Variants in BAZ1B observed in about 807,000 individuals in gnomAD.
The protein encoded by BAZ1B is bromodomain adjacent to zinc finger domain 1B.
In BAZ1B, 22 loss-of-function variants were observed where a neutral mutation model predicts 153.8. The observed-to-expected ratio is 0.14, with a 90% CI of 0.10 to 0.20. BAZ1B has a LOEUF of 0.20. BAZ1B is among the 10% of genes least tolerant of loss of function. The pLI, the probability that BAZ1B is intolerant of heterozygous loss-of-function variation, is 1.00. For missense variants in BAZ1B, 1,325 were observed against 1,799.3 expected, an observed-to-expected ratio of 0.74 and a Z score of 4.77; for synonymous variants, 676 against 633.4, an observed-to-expected ratio of 1.07 and a Z score of -1.01.
chr7:73,480,034 T>G (rs1016002574), intron 6 of BAZ1B, among the ~76,000 whole-genome samples: 5 of 151,694 alleles, frequency 3.3e-5, no homozygotes, highest in Non-Finnish European at 7.4e-5. Flanking sequence ...CCAGGCATGG[T>G]GGCGGGTGCC....
chr7:73,449,558 G>A lies in BAZ1B; in HGVS notation c.3712C>T (p.Arg1238Cys), dbSNP rs375694776. 16 of 1,612,012 alleles carry A rather than the reference G, an allele frequency of 9.9e-6. No homozygotes were observed. Among genetic ancestry groups the A allele is most frequent in the Admixed American group, 1.7e-5 (1 of 59,426 alleles). The change falls in exon 15 of 20, where the codon CGC (arginine) becomes TGC (cysteine). Residue 1238 changes from arginine (R) to cysteine (C), a missense_variant. By Grantham distance (180) the Arg-to-Cys change is radical. Coordinates refer to ENST00000339594, the MANE Select transcript of BAZ1B (RefSeq NM_032408.4). ...GATTCTCACCTGCCACGGGAGTTGCGCCTGGCAGTAGCGGGCTGGCAAGCT... is the reference window on the plus strand; with the variant it reads ...GATTCTCACCTGCCACGGGAGTTGCACCTGGCAGTAGCGGGCTGGCAAGCT... ...CPACQPATARRNSRGRNYTEE... is the reference protein window; with the variant it reads ...CPACQPATARCNSRGRNYTEE...
chr7:73,455,414 G>A (rs1402387087), intron 13 of BAZ1B, among the ~76,000 whole-genome samples: 4 of 152,074 alleles, frequency 2.6e-5, no homozygotes, highest in Non-Finnish European at 5.9e-5. Flanking sequence ...AATCTAATAC[G>A]CAAAACAGAC....
Position 73,478,424 on chromosome 7 carries a change from A to G in BAZ1B, c.1037T>C (p.Leu346Ser). ...CTTCACTTTGAGTGGCGAGCCACTC[A>G]ATGACTTCTTCAAGTGTACGTGACA... Reference protein sequence around the residue: ...LWCHVHLKKSLSGSPLKVKNS... With the variant: ...LWCHVHLKKSSSGSPLKVKNS... The change falls in exon 7 of 20, where the codon TTG (leucine) becomes TCG (serine). Residue 346 changes from leucine to serine, a missense_variant. Around this residue, in one of 9 missense-constraint regions of BAZ1B, gnomAD observed 219 missense variants for 248.2 expected, o/e 0.88. Transcript: ENST00000339594. 1 of 1,612,946 alleles carries G rather than the reference A, an allele frequency of 6.2e-7. No homozygotes were observed. Among genetic ancestry groups the G allele is most frequent in the East Asian group, 2.2e-5 (1 of 44,868 alleles).
At chr7:73,507,163 C>T in intron 3 of BAZ1B, 1 of 152,138 alleles carries the variant, frequency 6.6e-6, no homozygotes, top group Non-Finnish European at 1.5e-5. Context: ...CAGGTGTGAG[C>T]TACCACGCCC....
intron 1 of BAZ1B, among the ~76,000 whole-genome samples, chr7:73,511,573 T>C (rs782274021): frequency 2.0e-5 from 3 of 152,084 alleles, no homozygotes; most frequent in Non-Finnish European, 2.9e-5. Context: ...TTAGTACAAA[T>C]GTGATTTCCT....
chr7:73,492,298 G>A (rs911420227), intron 5 of BAZ1B, among the ~76,000 whole-genome samples: 4 of 152,174 alleles, frequency 2.6e-5, no homozygotes, highest in Non-Finnish European at 5.9e-5. Flanking sequence ...GAGTAGCTGG[G>A]ACTACATGCG....
At chr7:73,462,839 T>C (rs1451192939) in intron 12 of BAZ1B, 83 bp downstream of exon 12, 3 of 1,455,408 alleles carry the variant, frequency 2.1e-6, no homozygotes, top group Non-Finnish European at 2.9e-6. Flanking sequence ...AGGGTCATGT[T>C]GGGAAGTCAA....
intron 4 of BAZ1B, among the ~76,000 whole-genome samples, chr7:73,497,393 T>G (rs1382904896): frequency 1.3e-5 from 2 of 152,180 alleles, no homozygotes; most frequent in African/African-American, 4.8e-5. Context: ...TTCATTTTAT[T>G]GTTATTATTT....
At chr7:73,491,155 G>GGGGT (rs1430495456) in intron 5 of BAZ1B, among the ~76,000 whole-genome samples, 1 of 151,660 alleles carries the variant, frequency 6.6e-6, no homozygotes, top group Non-Finnish European at 1.5e-5. Flanking sequence ...GCACGGTGGC[G>GGGGT]GGCACCTGTA....
intron 4 of BAZ1B, among the ~76,000 whole-genome samples, chr7:73,494,407 A>G (rs1272925629): frequency 6.6e-6 from 1 of 152,058 alleles, no homozygotes; most frequent in Admixed American, 6.6e-5. Context: ...CATAAAATGG[A>G]AAGTTGATAC....
At chr7:73,491,254 C>A (rs1341980082) in intron 5 of BAZ1B, among the ~76,000 whole-genome samples, 6 of 151,966 alleles carry the variant, frequency 3.9e-5, no homozygotes, top group African/African-American at 1.5e-4. Context: ...CCATTGTACT[C>A]CCGCCTGAGC....
At position 73,521,838 on chromosome 7, in the gene BAZ1B, G is replaced by A; in HGVS notation, c.96C>T (p.Phe32=). 6.7e-7 allele frequency: 1 copy of A among 1,500,690 alleles called. No homozygotes were observed. Among genetic ancestry groups the A allele is most frequent in the South Asian group, 1.2e-5 (1 of 81,266 alleles). 93.0% of individuals were successfully genotyped at this position (1,500,690 alleles called of 1,614,324 possible). A position where few individuals can be genotyped will look rare whatever the true frequency, so the allele number is the denominator to read the frequency against. ...CTGGAAAAGGATACTCCCGGGTGCGGAAGGCCTCCTGAGTGTGCGGGATGG... is the reference window on the plus strand; with the variant it reads ...CTGGAAAAGGATACTCCCGGGTGCGAAAGGCCTCCTGAGTGTGCGGGATGG... ...LFTIPHTQEA[F]RTREEYEARL... Residue 32 remains phenylalanine (F), a synonymous_variant, in exon 1 of 20, where the codon TTC becomes TTT. Transcript: ENST00000339594.
At chr7:73,491,434 T>C (rs998174570) in intron 5 of BAZ1B, among the ~76,000 whole-genome samples, 45 of 151,808 alleles carry the variant, frequency 3.0e-4, no homozygotes, top group African/African-American at 1.1e-3. Flanking sequence ...ACTCTGTCTC[T>C]ACAAAAAACA....
At chr7:73,515,299 C>A (rs1483363627) in intron 1 of BAZ1B, among the ~76,000 whole-genome samples, 1 of 152,194 alleles carries the variant, frequency 6.6e-6, no homozygotes, top group Admixed American at 6.6e-5. Context: ...TCTCCACCCA[C>A]TGCCATGTGG....
Position 73,442,235 on chromosome 7 carries a change from C to T in BAZ1B, c.4413G>A (p.Glu1471=), listed in dbSNP as rs782695295. 2.5e-6 allele frequency: 4 copies of T among 1,613,726 alleles called. No homozygotes were observed. Among genetic ancestry groups the T allele is most frequent in the East Asian group, 4.5e-5 (2 of 44,848 alleles). ...LAEDEGDSEP[E]AVGQSRGRRQ... ...TTCGTCCCCTGGACTGTCCAACGGC[C>T]TCTGGCTCACTGTCCCCTTCATCTT... Residue 1471 remains glutamate (E), a synonymous_variant, in exon 19 of 20, where the codon GAG becomes GAA. Coordinates refer to ENST00000339594, the MANE Select transcript of BAZ1B (RefSeq NM_032408.4).
intron 6 of BAZ1B, among the ~76,000 whole-genome samples, chr7:73,480,608 A>G (rs1789162843): frequency 6.6e-6 from 1 of 152,242 alleles, no homozygotes; most frequent in Non-Finnish European, 1.5e-5. Context: ...TATTACCAAA[A>G]TCAGCTAAGT....
At chr7:73,514,877 C>T (rs1790733558) in intron 1 of BAZ1B, among the ~76,000 whole-genome samples, 1 of 151,894 alleles carries the variant, frequency 6.6e-6, no homozygotes, top group South Asian at 2.1e-4. Flanking sequence ...GTTAGGAGTT[C>T]AAGACCAGCC....
intron 3 of BAZ1B, among the ~76,000 whole-genome samples, chr7:73,504,722 G>A (rs1554577552): frequency 6.6e-6 from 1 of 151,980 alleles, no homozygotes; most frequent in East Asian, 1.9e-4. Flanking sequence ...CAGCTACTCG[G>A]GAGGCTGAGG....
At chr7:73,458,577 G>A (rs1328800305) in intron 13 of BAZ1B, among the ~76,000 whole-genome samples, 2 of 151,470 alleles carry the variant, frequency 1.3e-5, no homozygotes, top group Non-Finnish European at 2.9e-5. Flanking sequence ...TTGGGAGGCT[G>A]AGGCAGGGGA....
Sources: gnomAD v4.1 joint callset for allele counts (sites outside exome capture counted in the v4.1 genomes callset) on GRCh38, gnomAD v4.1.1 for gene constraint, gnomAD v4.1.1 regional missense constraint, MANE v1.5 for transcripts, NCBI Gene and HGNC (gene_info 2026-07-23, HGNC 2026-07-21) for gene names.